Variants in BAHCC1 observed in about 807,000 individuals in gnomAD.
BAHCC1 encodes the protein BAH and coiled-coil domain-containing protein 1.
In BAHCC1, 43 loss-of-function variants were observed where a neutral mutation model predicts 88.2. The observed-to-expected ratio is 0.49, with a 90% CI of 0.38 to 0.63. The LOEUF is 0.63. BAHCC1 is among the 20% of genes least tolerant of loss of function. The probability of loss-of-function intolerance (pLI) is 0.00; values close to 1 mark genes in which losing one functional copy is unlikely to be tolerated. For missense variants in BAHCC1, 3,023 were observed against 1,654.8 expected, an observed-to-expected ratio of 1.83 and a Z score of -14.34; for synonymous variants, 1,510 against 745.5, an observed-to-expected ratio of 2.03 and a Z score of -16.71.
chr17:81,447,887 C>CG (rs782095177), intron 11 of BAHCC1, 39 bp downstream of exon 11: 35 of 713,558 alleles, frequency 4.9e-5, no homozygotes, highest in Admixed American at 2.0e-5. Flanking sequence ...AGAGTCCCAG[C>CG]AGTGGGACCC....
intron 1 of BAHCC1, among the ~76,000 whole-genome samples, chr17:81,397,581 T>G (rs1286152933): frequency 6.6e-6 from 1 of 151,640 alleles, no homozygotes; most frequent in African/African-American, 2.4e-5. Flanking sequence ...CCCGGCGCCC[T>G]CCGGGGCTCG....
chr17:81,407,748 C>T (rs782463311), intron 2 of BAHCC1, among the ~76,000 whole-genome samples: 68 of 152,348 alleles, frequency 4.5e-4, no homozygotes, highest in Admixed American at 1.6e-3. Context: ...GGTCTAGCCA[C>T]AGGTTCACTG....
At chr17:81,426,444 G>GGGGTGATGT (rs1448178505) in intron 2 of BAHCC1, among the ~76,000 whole-genome samples, 21 of 82,884 alleles carry the variant, frequency 2.5e-4, no homozygotes, top group Non-Finnish European at 3.4e-4. Flanking sequence ...GATGTGGTTG[G>GGGGTGATGT]GGGTGATGTG....
chr17:81,409,387 G>C (rs2143248606), intron 2 of BAHCC1, among the ~76,000 whole-genome samples: 1 of 152,378 alleles, frequency 6.6e-6, no homozygotes, highest in Middle Eastern at 3.4e-3. Context: ...AGCTGCGCCG[G>C]CTGAGTGGCC....
chr17:81,403,316 C>T (rs1338534937), intron 2 of BAHCC1, among the ~76,000 whole-genome samples: 1 of 152,170 alleles, frequency 6.6e-6, no homozygotes, highest in East Asian at 1.9e-4. Context: ...TCAGATTCCC[C>T]TCCCGCCCCT....
At chr17:81,400,094 C>CG (rs553292733) in intron 2 of BAHCC1, among the ~76,000 whole-genome samples, 177 bp downstream of exon 2, 190 of 152,188 alleles carry the variant, frequency 1.2e-3, no homozygotes, top group Non-Finnish European at 1.9e-3. Context: ...GCTGCGTCGC[C>CG]GCGGCTTAGA....
At position 81,461,090 on chromosome 17, in the gene BAHCC1, A is replaced by G. The variant is rs1349889459; in HGVS notation, c.6427A>G (p.Ser2143Gly). 2 of 768,468 alleles carry G rather than the reference A, an allele frequency of 2.6e-6. No homozygotes were observed. The highest frequency in any genetic ancestry group is 3.4e-5 in the African/African-American group (2 of 59,072). The allele number at this position is 768,468 out of a possible 1,614,324, so 47.6% of individuals were successfully genotyped here. A position where few individuals can be genotyped will look rare whatever the true frequency, so the allele number is the denominator to read the frequency against. The change falls in exon 26 of 28, where the codon AGC (serine) becomes GGC (glycine). Residue 2143 changes from serine (S) to glycine (G), a missense_variant. Coordinates refer to ENST00000675386, the MANE Select transcript of BAHCC1 (RefSeq NM_001377448.1). Reference sequence around the variant, plus strand: ...CCGCGAGGCCCTGTTCCCCGTGCACAGCGTGGCCACACCCATATTTGGCAA... The same window carrying G: ...CCGCGAGGCCCTGTTCCCCGTGCACGGCGTGGCCACACCCATATTTGGCAA... ...RAREALFPVH[S>G]VATPIFGNGF...
At position 81,399,147 on chromosome 17, in the gene BAHCC1, G is replaced by GTA. The variant is rs2063778158; in HGVS notation, c.-206-386_-206-385insAT. Reference sequence around the variant, plus strand: ...CGTGTGAGTGTGTGTGTGTGTGTGTGTGTGTGCGAGTGTGCGTGATGGCTT... The same window carrying GTA: ...CGTGTGAGTGTGTGTGTGTGTGTGTGTATGTGTGCGAGTGTGCGTGATGGCTT... On this transcript the variant is annotated intron_variant, in intron 1 of 27. Transcript: ENST00000675386. This position sits in a 1 kb window ranked among gnomAD's most constrained non-coding sequence, Gnocchi z 4.5. 1 of 381,670 alleles carries GTA rather than the reference G, an allele frequency of 2.6e-6. No homozygotes were observed. The highest frequency in any genetic ancestry group is 1.7e-5 in the South Asian group (1 of 57,864). The allele number at this position is 381,670 out of a possible 1,614,324, so 23.6% of individuals were successfully genotyped here. A position where few individuals can be genotyped will look rare whatever the true frequency, so the allele number is the denominator to read the frequency against.
At chr17:81,444,956 G>A (rs2064495640) in intron 8 of BAHCC1, 59 bp from the exon 9 acceptor site, 1 of 685,026 alleles carries the variant, frequency 1.5e-6, no homozygotes, top group Admixed American at 2.3e-5. Context: ...TGGCGGGGAA[G>A]CAGCCCCGGA....
chr17:81,462,761 G>T lies in BAHCC1; in HGVS notation c.7405G>T (p.Ala2469Ser). 1.3e-6 allele frequency: 1 copy of T among 768,288 alleles called. No homozygotes were observed. 47.6% of individuals were successfully genotyped at this position (768,288 alleles called of 1,614,324 possible). Reference protein sequence around the residue: ...PTQRRGMKGKARKLFYKAIVR... With the variant: ...PTQRRGMKGKSRKLFYKAIVR... ...ACAGCGGCGTGGCATGAAGGGGAAG[G>T]CCCGGAAGCTGTTCTACAAGGCCAT... Residue 2469 changes from alanine (A) to serine (S), a missense_variant, in exon 27 of 28, where the codon GCC becomes TCC. Transcript: ENST00000675386.
chr17:81,403,495 G>A (rs200280279), intron 2 of BAHCC1, among the ~76,000 whole-genome samples: 2 of 138,970 alleles, frequency 1.4e-5, no homozygotes, highest in Admixed American at 7.2e-5. Context: ...AAAAAAAAAA[G>A]AAAAAGAAAA....
chr17:81,408,059 T>A (rs1555647193), intron 2 of BAHCC1, among the ~76,000 whole-genome samples: 1 of 152,152 alleles, frequency 6.6e-6, no homozygotes. Context: ...TGGCTCAGCC[T>A]CCCTTCAGCG....
At chr17:81,423,363 CCCACCG>C (rs2064138071) in intron 2 of BAHCC1, among the ~76,000 whole-genome samples, 1 of 152,200 alleles carries the variant, frequency 6.6e-6, no homozygotes, top group Non-Finnish European at 1.5e-5. Context: ...CCCCCCTTGC[CCCACCG>C]CCTCTGCTGA....
chr17:81,407,935 G>A (rs73363733), intron 2 of BAHCC1, among the ~76,000 whole-genome samples: 6,502 of 152,232 alleles, frequency 0.043, 445 homozygotes, highest in African/African-American at 0.15. Flanking sequence ...TGACTGGCAC[G>A]GGCACCTGTC....
chr17:81,439,596 A>C (rs1172205823), intron 4 of BAHCC1, among the ~76,000 whole-genome samples: 1 of 137,840 alleles, frequency 7.3e-6, no homozygotes, highest in Non-Finnish European at 1.6e-5. Context: ...GACTGTGGAG[A>C]GGGACGCCCA....
At chr17:81,423,803 G>A (rs2064142797) in intron 2 of BAHCC1, among the ~76,000 whole-genome samples, 1 of 152,242 alleles carries the variant, frequency 6.6e-6, no homozygotes, top group African/African-American at 2.4e-5. Flanking sequence ...ACTGGACTTG[G>A]GCAGAGGTGG....
rs1273752867 is a variant in BAHCC1 at position 81,443,043 on chromosome 17, A to G, written c.1694A>G (p.Lys565Arg). The G allele has an allele frequency of 1.3e-6, 1 of 778,310 alleles. No individual in the cohort carries two copies. Among genetic ancestry groups the G allele is most frequent in the African/African-American group, 1.7e-5 (1 of 59,280 alleles). The allele number at this position is 778,310 out of a possible 1,614,324, so 48.2% of individuals were successfully genotyped here. A position where few individuals can be genotyped will look rare whatever the true frequency, so the allele number is the denominator to read the frequency against. Residue 565 changes from lysine to arginine, a missense_variant, in exon 5 of 28, where the codon AAG becomes AGG. Transcript: ENST00000675386. ...CAGGGGGGCATTGGGGCTGAGGCCA[A>G]GCGCAAGTCCCTGGAGCTGGCATCC... ...VEQGGIGAEA[K>R]RKSLELASLG...
chr17:81,447,766 C>T lies in BAHCC1; in HGVS notation c.3894C>T (p.Ser1298=), dbSNP rs374339680. 5.3e-6 allele frequency: 4 copies of T among 747,806 alleles called. No individual in the cohort carries two copies. The African/African-American group carries it at 6.9e-5, about 13-fold the overall frequency. 46.3% of individuals were successfully genotyped at this position (747,806 alleles called of 1,614,324 possible). A position where few individuals can be genotyped will look rare whatever the true frequency, so the allele number is the denominator to read the frequency against. The change falls in exon 11 of 28, where the codon AGC becomes AGT. Residue 1298 remains serine (S), a synonymous_variant. Transcript: ENST00000675386. ...GPPSTVPLPH[S]SGIHGIALLS... ...CCAGCACAGTCCCCCTGCCTCATAGCTCAGGGATTCATGGGATCGCTCTGC... is the reference window on the plus strand; with the variant it reads ...CCAGCACAGTCCCCCTGCCTCATAGTTCAGGGATTCATGGGATCGCTCTGC...
intron 2 of BAHCC1, among the ~76,000 whole-genome samples, chr17:81,425,327 A>G (rs2064170032): frequency 1.2e-5 from 1 of 84,972 alleles, no homozygotes; most frequent in Non-Finnish European, 2.3e-5. Flanking sequence ...GTTGGGGGTG[A>G]TAGTGGTGGG....
Sources: gnomAD v4.1 joint callset for allele counts (sites outside exome capture counted in the v4.1 genomes callset) on GRCh38, gnomAD v4.1.1 for gene constraint, Gnocchi (gnomAD v3.1) non-coding constraint, MANE v1.5 for transcripts, NCBI Gene and HGNC (gene_info 2026-07-23, HGNC 2026-07-21) for gene names.